The following MEX3C variants were observed in gnomAD, a reference collection of about 807,000 sequenced individuals.
The protein encoded by MEX3C is RNA-binding E3 ubiquitin-protein ligase MEX3C.
A neutral mutation model predicts 35.5 loss-of-function variants in MEX3C; 15 were observed. The observed-to-expected ratio is 0.42, with a 90% confidence interval of 0.28 to 0.65. The LOEUF (loss-of-function observed/expected upper bound fraction) is 0.65. MEX3C is among the 30% of genes least tolerant of loss of function. MEX3C has a pLI of 0.20. For synonymous variants in MEX3C, 390 were observed against 352.8 expected, an observed-to-expected ratio of 1.11 and a Z score of -1.18; for missense variants, 711 against 842.8, an observed-to-expected ratio of 0.84 and a Z score of 1.94.
Position 51,176,913 on chromosome 18 carries a change from A to C in MEX3C, c.1418T>G (p.Phe473Cys). ...RLADFSPTSP[F>C]STGNFWFGDT... ...TCCAAACCAGAAGTTTCCTGTGCTA[A>C]ATGGGCTTGTTGGACTAAAGTCAGC... The change falls in exon 2 of 2, where the codon TTT (phenylalanine) becomes TGT (cysteine). Residue 473 changes from phenylalanine (F) to cysteine (C), a missense_variant. This residue lies in a region of MEX3C where 187 missense variants were observed against 201.7 expected (regional missense o/e 0.93). Coordinates refer to ENST00000406189, the MANE Select transcript of MEX3C (RefSeq NM_016626.5). 2 of 1,614,004 alleles carry C rather than the reference A, an allele frequency of 1.2e-6. No homozygotes were observed. The highest frequency in any genetic ancestry group is 1.7e-6 in the Non-Finnish European group (2 of 1,179,888).
chr18:51,185,887 C>CG (rs1480232783), intron 1 of MEX3C, among the ~76,000 whole-genome samples: 1 of 151,536 alleles, frequency 6.6e-6, no homozygotes, highest in Non-Finnish European at 1.5e-5. Flanking sequence ...TAGTGAGACC[C>CG]CCCCCTCTCT....
chr18:51,195,163 C>G (rs2144560840), intron 1 of MEX3C: 1 of 152,292 alleles, frequency 6.6e-6, no homozygotes, highest in African/African-American at 2.4e-5. Flanking sequence ...CATTCTGATC[C>G]AAATTGAGAT....
chr18:51,196,159 A>G (rs1389818662), intron 1 of MEX3C: 1 of 237,244 alleles, frequency 4.2e-6, no homozygotes, highest in Non-Finnish European at 8.3e-6. Context: ...AGGGAGGCTG[A>G]ACGCTTTTAG....
At chr18:51,195,909 C>A (rs1256821046) in intron 1 of MEX3C, 1 of 152,622 alleles carries the variant, frequency 6.6e-6, no homozygotes, top group Non-Finnish European at 1.5e-5. Flanking sequence ...GCACACTGAA[C>A]AGTTTTAAAA....
rs1006114187 is a variant in MEX3C at position 51,174,994 on chromosome 18, A to T, written c.*1357T>A. ...TACTATCCTACAAGCAATTAGCATT[A>T]CATCATAATATGCCATCAAGGCAAC... On this transcript the variant is annotated 3_prime_UTR_variant, in exon 2 of 2. Transcript: ENST00000406189. 3 of 152,688 alleles carry T rather than the reference A, an allele frequency of 2.0e-5. No homozygotes were observed. The highest frequency in any genetic ancestry group is 7.2e-5 in the African/African-American group (3 of 41,470). 9.5% of individuals were successfully genotyped at this position (152,688 alleles called of 1,614,324 possible).
chr18:51,193,690 C>T (rs1912707831), intron 1 of MEX3C: 1 of 152,194 alleles, frequency 6.6e-6, no homozygotes, highest in South Asian at 2.1e-4. Context: ...AGATGCAATG[C>T]TTTAAAAAAC....
At chr18:51,179,689 CAG>C (rs1912384307) in intron 1 of MEX3C, among the ~76,000 whole-genome samples, 1 of 152,142 alleles carries the variant, frequency 6.6e-6, no homozygotes, top group Admixed American at 6.5e-5. Context: ...GTTAGAAGAA[CAG>C]AGAGTACAAT....
At position 51,177,839 on chromosome 18, in the gene MEX3C, C is replaced by T. The variant is rs74755782; in HGVS notation, c.755-263G>A. 5.4e-3 allele frequency among the ~76,000 whole-genome samples: 816 copies of T among 152,320 alleles called. 41 individuals carry two copies. The East Asian group carries it at 0.12, about 22-fold the overall frequency. On this transcript the variant is annotated intron_variant, in intron 1 of 1. Transcript: ENST00000406189. The surrounding 1 kb of genome is among the most constrained non-coding windows in gnomAD (Gnocchi z 4.2). Reference sequence around the variant, plus strand: ...TGACTTCCACCTAATTATCTTACCACTTTAACTTAACATTACTCTTTCCTC... The same window carrying T: ...TGACTTCCACCTAATTATCTTACCATTTTAACTTAACATTACTCTTTCCTC...
At chr18:51,194,975 CTT>C (rs953386521) in intron 1 of MEX3C, 20 of 152,324 alleles carry the variant, frequency 1.3e-4, no homozygotes, top group African/African-American at 4.8e-4. Flanking sequence ...TTACCTGAGA[CTT>C]TGTCATACTA....
At chr18:51,189,619 T>C (rs947027039) in intron 1 of MEX3C, among the ~76,000 whole-genome samples, 1 of 152,176 alleles carries the variant, frequency 6.6e-6, no homozygotes, top group Non-Finnish European at 1.5e-5. Context: ...ATTTGGCCTT[T>C]CAGTAAACCT....
intron 1 of MEX3C, among the ~76,000 whole-genome samples, chr18:51,190,497 G>A (rs1212289557): frequency 6.6e-6 from 1 of 152,124 alleles, no homozygotes; most frequent in Non-Finnish European, 1.5e-5. Flanking sequence ...TTTCATTAAA[G>A]GATTTTCTTT....
chr18:51,191,783 G>A (rs1254465717), intron 1 of MEX3C, among the ~76,000 whole-genome samples: 1 of 152,128 alleles, frequency 6.6e-6, no homozygotes, highest in Non-Finnish European at 1.5e-5. Context: ...AGAGGAATCT[G>A]AAGCCTAGGG....
intron 1 of MEX3C, among the ~76,000 whole-genome samples, chr18:51,189,055 A>C (rs1468521072): frequency 1.3e-5 from 2 of 152,190 alleles, no homozygotes; most frequent in African/African-American, 2.4e-5. Context: ...AGACTTGTTT[A>C]TCTGTTCGGT....
Position 51,176,567 on chromosome 18 carries a change from G to A in MEX3C, c.1764C>T (p.Ser588=). 9 of 1,614,002 alleles carry A rather than the reference G, an allele frequency of 5.6e-6. No homozygotes were observed. Among genetic ancestry groups the A allele is most frequent in the Non-Finnish European group, 7.6e-6 (9 of 1,179,898 alleles). ...TAGAGGTGGAACCACCATTGGAAGA[G>A]GAGTAACTATTGGTACCATTAGAAA... ...PAFSNGTNSY[S]SSNGGSTSSS... is the part of the protein sequence containing the mutation. Residue 588 remains serine, a synonymous_variant, in exon 2 of 2, where the codon TCC becomes TCT. Transcript: ENST00000406189.
chr18:51,194,131 G>A (rs543087490), intron 1 of MEX3C: 2 of 152,332 alleles, frequency 1.3e-5, no homozygotes, highest in South Asian at 2.1e-4. Flanking sequence ...GTAAAAGAAT[G>A]TGAACATTAG....
At position 51,176,972 on chromosome 18, in the gene MEX3C, G is replaced by A; in HGVS notation, c.1359C>T (p.Gly453=). Residue 453 remains glycine, a synonymous_variant, in exon 2 of 2, where the codon GGC becomes GGT. Transcript: ENST00000406189. ...TGCTTCCAAAGTAGGAATCTGTAGAGCCACTTCCTAGAGAACTGGAACTAT... is the reference window on the plus strand; with the variant it reads ...TGCTTCCAAAGTAGGAATCTGTAGAACCACTTCCTAGAGAACTGGAACTAT... ...RNDSSSSLGS[G]STDSYFGSNR... is the part of the protein sequence containing the mutation. 1 of 1,614,000 alleles carries A rather than the reference G, an allele frequency of 6.2e-7. No individual in the cohort carries two copies. The highest frequency in any genetic ancestry group is 1.3e-5 in the African/African-American group (1 of 75,046).
chr18:51,197,067 G>A lies in MEX3C; in HGVS notation c.254C>T (p.Ala85Val), dbSNP rs1238311171. The A allele has an allele frequency of 5.7e-6, 8 of 1,399,868 alleles. No individual in the cohort carries two copies. The highest frequency in any genetic ancestry group is 3.1e-5 in the Admixed American group (1 of 32,056). The allele number at this position is 1,399,868 out of a possible 1,614,324, so 86.7% of individuals were successfully genotyped here. ...AGCCCGCTCCTCTGGAGACAGCTCC[G>A]CCGCCCGCCGGGCCTGGCCCTGCGC... is the stretch of plus-strand genomic sequence containing the variant. Reference protein sequence around the residue: ...AAAQGQARRAAELSPEERAPP... With the variant: ...AAAQGQARRAVELSPEERAPP... Residue 85 changes from alanine (A) to valine (V), a missense_variant, in exon 1 of 2, where the codon GCG becomes GTG. By Grantham distance (64) the Ala-to-Val change is moderately conservative. Coordinates refer to ENST00000406189, the MANE Select transcript of MEX3C (RefSeq NM_016626.5).
chr18:51,177,215 T>C lies in MEX3C; in HGVS notation c.1116A>G (p.Glu372=), dbSNP rs1912326124. ...TPSRDKEPVF[E]VTGMPENVDR... Reference sequence around the variant, plus strand: ...CAACATTTTCAGGCATCCCTGTCACTTCAAAGACAGGTTCCTTATCTCTGC... The same window carrying C: ...CAACATTTTCAGGCATCCCTGTCACCTCAAAGACAGGTTCCTTATCTCTGC... Residue 372 remains glutamate (E), a synonymous_variant, in exon 2 of 2, where the codon GAA becomes GAG. Coordinates refer to ENST00000406189, the MANE Select transcript of MEX3C (RefSeq NM_016626.5). The surrounding 1 kb of genome is among the most constrained non-coding windows in gnomAD (Gnocchi z 4.2). 2 of 1,613,892 alleles carry C rather than the reference T, an allele frequency of 1.2e-6. No individual in the cohort carries two copies. Among genetic ancestry groups the C allele is most frequent in the East Asian group, 4.5e-5 (2 of 44,888 alleles).
intron 1 of MEX3C, among the ~76,000 whole-genome samples, chr18:51,184,725 G>A (rs1485624621): frequency 6.6e-6 from 1 of 152,050 alleles, no homozygotes; most frequent in Non-Finnish European, 1.5e-5. Flanking sequence ...GGGCGTGGTG[G>A]TGCACACCTG....
Sources: allele counts gnomAD v4.1 joint callset (sites outside exome capture counted in the v4.1 genomes callset), GRCh38; gene constraint gnomAD v4.1.1; regional missense constraint gnomAD v4.1.1; non-coding constraint Gnocchi (gnomAD v3.1); transcripts MANE v1.5; gene names NCBI Gene and HGNC (gene_info 2026-07-23, HGNC 2026-07-21).